The following PLXNA2 variants were observed in gnomAD, a reference collection of about 807,000 sequenced individuals.
PLXNA2 encodes the protein plexin A2, also known as plexin-A2.
A neutral mutation model predicts 193.5 loss-of-function variants in PLXNA2; 91 were observed. The ratio of observed to expected loss-of-function variants is 0.47; its 90% CI spans 0.40 to 0.56. The LOEUF (loss-of-function observed/expected upper bound fraction) is 0.56, where lower values mean the gene tolerates loss of function less well. Ranked by LOEUF, PLXNA2 falls within the 20% of genes least tolerant of loss-of-function variation. The pLI, the probability that PLXNA2 is intolerant of heterozygous loss-of-function variation, is 0.00. For synonymous variants in PLXNA2, 997 were observed against 1,027.3 expected, an observed-to-expected ratio of 0.97 and a Z score of 0.56; for missense variants, 1,995 against 2,503.2, an observed-to-expected ratio of 0.80 and a Z score of 4.33.
intron 3 of PLXNA2, among the ~76,000 whole-genome samples, chr1:208,174,694 A>C (rs1669607105): frequency 6.6e-6 from 1 of 152,160 alleles, no homozygotes; most frequent in Middle Eastern, 3.2e-3. Context: ...CTTCTGCTCA[A>C]GGCTCAGCCC....
rs574137932 is a variant in PLXNA2 at position 208,196,641 on chromosome 1, A to T, written c.1371+13639T>A. On this transcript the variant is annotated intron_variant, in intron 3 of 31. Transcript: ENST00000367033. Reference sequence around the variant, plus strand: ...CTCAGTCCACCTAAGACCCTGGGTTAACTGAGAAGAAAGAGAAACAGTAGA... The same window carrying T: ...CTCAGTCCACCTAAGACCCTGGGTTTACTGAGAAGAAAGAGAAACAGTAGA... Among the ~76,000 whole-genome samples the T allele has an allele frequency of 1.3e-4, 20 of 152,334 alleles. No homozygotes were observed. In the South Asian group the frequency reaches 3.9e-3, roughly 30 times the overall value.
chr1:208,101,931 C>G (rs1370493520), intron 5 of PLXNA2, among the ~76,000 whole-genome samples: 1 of 152,186 alleles, frequency 6.6e-6, no homozygotes, highest in Non-Finnish European at 1.5e-5. Context: ...AGGAAAGACC[C>G]TGCCTGCTGG....
intron 1 of PLXNA2, among the ~76,000 whole-genome samples, chr1:208,222,977 G>A (rs944274938): frequency 2.6e-5 from 4 of 152,090 alleles, no homozygotes; most frequent in Admixed American, 2.6e-4. Context: ...AGCAAAGGGT[G>A]CCTACTATTA....
chr1:208,075,261 G>A (rs1666109592), intron 12 of PLXNA2, among the ~76,000 whole-genome samples: 1 of 151,358 alleles, frequency 6.6e-6, no homozygotes, highest in South Asian at 2.1e-4. Context: ...AGTGAGCCAA[G>A]ATCACACCAC....
At chr1:208,190,481 G>A (rs182574407) in intron 3 of PLXNA2, among the ~76,000 whole-genome samples, 1 of 152,336 alleles carries the variant, frequency 6.6e-6, no homozygotes, top group East Asian at 1.9e-4. Context: ...GCTTAGCACA[G>A]TGGTTGACAC....
At chr1:208,131,623 C>T (rs933902732) in intron 4 of PLXNA2, among the ~76,000 whole-genome samples, 1 of 152,118 alleles carries the variant, frequency 6.6e-6, no homozygotes, top group African/African-American at 2.4e-5. Flanking sequence ...GAACCTCTTA[C>T]TTAGGGCCAG....
Position 208,038,493 on chromosome 1 carries a change from G to A in PLXNA2, c.4661-19C>T, listed in dbSNP as rs1664747234. 1.3e-6 allele frequency: 2 copies of A among 1,588,852 alleles called. No homozygotes were observed. The highest frequency in any genetic ancestry group is 8.6e-7 in the Non-Finnish European group (1 of 1,157,028). ...CGCCACTCTGGGTGGAGGGGGTGGT[G>A]CAGGGAGCGGCGTGAGAGGGATGAG... On this transcript the variant is annotated intron_variant, in intron 25 of 31. Transcript: ENST00000367033. The surrounding 1 kb of genome is among the most constrained non-coding windows in gnomAD (Gnocchi z 4.1).
chr1:208,125,663 C>A (rs1034715638), intron 4 of PLXNA2, among the ~76,000 whole-genome samples: 3 of 152,056 alleles, frequency 2.0e-5, no homozygotes, highest in Non-Finnish European at 4.4e-5. Flanking sequence ...ATATTCAAAC[C>A]GAATATTCTC....
chr1:208,026,413 G>A lies in PLXNA2; in HGVS notation c.*830C>T, dbSNP rs1254907264. 1 of 152,222 alleles carries A rather than the reference G, an allele frequency of 6.6e-6. No homozygotes were observed. The highest frequency in any genetic ancestry group is 1.5e-5 in the Non-Finnish European group (1 of 68,036). 9.4% of individuals were successfully genotyped at this position (152,222 alleles called of 1,614,324 possible). A position where few individuals can be genotyped will look rare whatever the true frequency, so the allele number is the denominator to read the frequency against. On this transcript the variant is annotated 3_prime_UTR_variant, in exon 32 of 32. Transcript: ENST00000367033. ...ACAAAACAAAAAACAGTAGCAAAAAGCATTGGTACTATCTAGGTACACATC... is the reference window on the plus strand; with the variant it reads ...ACAAAACAAAAAACAGTAGCAAAAAACATTGGTACTATCTAGGTACACATC...
At chr1:208,232,736 C>G (rs931745074) in intron 1 of PLXNA2, among the ~76,000 whole-genome samples, 2 of 152,196 alleles carry the variant, frequency 1.3e-5, no homozygotes, top group African/African-American at 4.8e-5. Flanking sequence ...TAGGAGAATT[C>G]TGGCTCCAGA....
At chr1:208,225,011 C>T (rs1037419452) in intron 1 of PLXNA2, among the ~76,000 whole-genome samples, 1 of 152,186 alleles carries the variant, frequency 6.6e-6, no homozygotes, top group Non-Finnish European at 1.5e-5. Context: ...AGAACCCATA[C>T]TCCAGGCGGT....
At chr1:208,061,933 T>A (rs983162433) in intron 12 of PLXNA2, among the ~76,000 whole-genome samples, 2 of 152,202 alleles carry the variant, frequency 1.3e-5, no homozygotes, top group Non-Finnish European at 2.9e-5. Context: ...AGATACTTAC[T>A]TTTTACAGCA....
At chr1:208,167,398 A>C (rs559117265) in intron 3 of PLXNA2, among the ~76,000 whole-genome samples, 5 of 152,316 alleles carry the variant, frequency 3.3e-5, no homozygotes, top group Admixed American at 6.5e-5. Flanking sequence ...TCCCTGGAGG[A>C]GCCATAATAT....
In PLXNA2 at chr1:208,195,358, G is replaced by A. The variant is rs1373465135; in HGVS notation, c.1371+14922C>T. 2.0e-5 allele frequency among the ~76,000 whole-genome samples: 3 copies of A among 152,112 alleles called. No homozygotes were observed. The South Asian group carries it at 6.2e-4, about 32-fold the overall frequency. ...TCTAGCTTTTGTGGAGATCCGGGAGGGTGGCAACCACTTTGGCCCCAATCT... is the reference window on the plus strand; with the variant it reads ...TCTAGCTTTTGTGGAGATCCGGGAGAGTGGCAACCACTTTGGCCCCAATCT... On this transcript the variant is annotated intron_variant, in intron 3 of 31. Coordinates refer to ENST00000367033, the MANE Select transcript of PLXNA2 (RefSeq NM_025179.4).
intron 17 of PLXNA2, among the ~76,000 whole-genome samples, chr1:208,047,091 G>C (rs1366144441): frequency 1.3e-5 from 2 of 152,098 alleles, no homozygotes; most frequent in South Asian, 4.2e-4. Context: ...TTCCTGAGTA[G>C]TTGGGATTAC....
intron 3 of PLXNA2, among the ~76,000 whole-genome samples, chr1:208,185,719 G>GAAAAAAAAAAAAAAAAGAAAA (rs3991419): frequency 9.5e-6 from 1 of 105,536 alleles, no homozygotes; most frequent in Non-Finnish European, 1.9e-5. Context: ...AAAAAAAAAA[G>GAAAAAAAAAAAAAAAAGAAAA]GAAAAAAAAA....
intron 1 of PLXNA2, among the ~76,000 whole-genome samples, chr1:208,235,706 C>A (rs141565680): frequency 6.6e-6 from 1 of 152,194 alleles, no homozygotes; most frequent in Non-Finnish European, 1.5e-5. Context: ...ACACCAGGCT[C>A]TTCCTGACCA....
chr1:208,059,283 A>G (rs959789346), intron 13 of PLXNA2, among the ~76,000 whole-genome samples: 4 of 151,896 alleles, frequency 2.6e-5, no homozygotes, highest in South Asian at 4.2e-4. Context: ...CCCTTTTTCC[A>G]TCTTCCTCAT....
intron 1 of PLXNA2, among the ~76,000 whole-genome samples, chr1:208,241,918 C>T (rs1212499370): frequency 6.6e-6 from 1 of 152,082 alleles, no homozygotes; most frequent in East Asian, 1.9e-4. Flanking sequence ...CCACTGTTTC[C>T]TTGGTTCCCT....
Sources: gnomAD v4.1 joint callset for allele counts (sites outside exome capture counted in the v4.1 genomes callset) on GRCh38, gnomAD v4.1.1 for gene constraint, Gnocchi (gnomAD v3.1) non-coding constraint, MANE v1.5 for transcripts, NCBI Gene and HGNC (gene_info 2026-07-23, HGNC 2026-07-21) for gene names.